The following PARD3B variants were observed in gnomAD, a reference collection of about 807,000 sequenced individuals.
PARD3B encodes the protein par-3 family cell polarity regulator beta.
PARD3B carries 103 observed loss-of-function variants against 130.2 expected under a neutral mutation model. The observed-to-expected ratio is 0.79, with a 90% confidence interval of 0.67 to 0.93. PARD3B has a LOEUF of 0.93. Among genes scored for constraint, PARD3B ranks in the 40% least tolerant of loss-of-function variants. The probability of loss-of-function intolerance (pLI) is 0.00; values close to 1 mark genes in which losing one functional copy is unlikely to be tolerated. For missense variants in PARD3B, 1,609 were observed against 1,499.2 expected, an observed-to-expected ratio of 1.07 and a Z score of -1.21; for synonymous variants, 583 against 553.2, an observed-to-expected ratio of 1.05 and a Z score of -0.76.
chr2:204,631,387 C>CT (rs2034675767), intron 1 of PARD3B, among the ~76,000 whole-genome samples: 1 of 151,940 alleles, frequency 6.6e-6, no homozygotes, highest in Non-Finnish European at 1.5e-5. Flanking sequence ...GTAGCTGAGA[C>CT]TACAGGCATG....
intron 1 of PARD3B, among the ~76,000 whole-genome samples, chr2:204,601,879 C>G (rs891694431): frequency 1.3e-5 from 2 of 151,958 alleles, no homozygotes; most frequent in Admixed American, 6.6e-5. Flanking sequence ...AGAAATTTCT[C>G]CTTTGTTTAA....
rs55744172 is a variant in PARD3B at position 204,553,651 on chromosome 2, CATATATATATATATATATATATATAT to C, written c.120+7552_120+7577del. On this transcript the variant is annotated intron_variant, in intron 1 of 22. Transcript: ENST00000406610. ...ATATGGATATATATTTATATATATCCATATATATATATATATATATATATATATATATATATATATATATACACACA... is the reference window on the plus strand; with the variant it reads ...ATATGGATATATATTTATATATATCCATATATATATATATATATACACACA... Among the ~76,000 whole-genome samples the C allele has an allele frequency of 2.0e-4, 17 of 83,430 alleles. 1 individual carries two copies. The South Asian group carries it at 2.3e-3, about 11-fold the overall frequency. 54.7% of individuals were successfully genotyped at this position (83,430 alleles called of 152,430 possible). A position where few individuals can be genotyped will look rare whatever the true frequency, so the allele number is the denominator to read the frequency against.
intron 18 of PARD3B, among the ~76,000 whole-genome samples, chr2:205,363,053 C>G (rs62171520): frequency 0.033 from 5,039 of 152,156 alleles, 94 homozygotes; most frequent in Middle Eastern, 0.058. Flanking sequence ...TGTGGGACTT[C>G]AGGTTCCCAC....
chr2:204,999,835 G>A (rs1694675334), intron 3 of PARD3B, among the ~76,000 whole-genome samples: 1 of 152,160 alleles, frequency 6.6e-6, no homozygotes, highest in South Asian at 2.1e-4. Flanking sequence ...AACTTTTGGA[G>A]TGATAAGGAA....
chr2:205,280,351 C>T lies in PARD3B; in HGVS notation c.2186-20179C>T, dbSNP rs1181107729. Among the ~76,000 whole-genome samples the T allele has an allele frequency of 6.6e-6, 1 of 152,088 alleles. No individual in the cohort carries two copies. The highest frequency in any genetic ancestry group is 1.5e-5 in the Non-Finnish European group (1 of 68,016). On this transcript the variant is annotated intron_variant, in intron 16 of 22. Coordinates refer to ENST00000406610, the MANE Select transcript of PARD3B (RefSeq NM_001302769.2). This position sits in a 1 kb window ranked among gnomAD's most constrained non-coding sequence, Gnocchi z 4.7. ...CATCAAAGGGATCATCTGTACTTGC[C>T]CTGCTTTCAAAATTACTTTTTCTCT...
chr2:205,526,335 A>G (rs2051336245), intron 21 of PARD3B, among the ~76,000 whole-genome samples: 1 of 152,256 alleles, frequency 6.6e-6, no homozygotes, highest in African/African-American at 2.4e-5. Context: ...CTGTAGTGAC[A>G]GAACCTTGCC....
At chr2:205,271,924 G>A (rs921383679) in intron 16 of PARD3B, among the ~76,000 whole-genome samples, 2 of 152,246 alleles carry the variant, frequency 1.3e-5, no homozygotes, top group Non-Finnish European at 2.9e-5. Context: ...TTGGGAGGCC[G>A]AGGCGGGTGG....
intron 20 of PARD3B, among the ~76,000 whole-genome samples, chr2:205,483,371 T>C (rs1458195878): frequency 6.6e-6 from 1 of 152,206 alleles, no homozygotes; most frequent in Non-Finnish European, 1.5e-5. Flanking sequence ...CTGTCCAAGA[T>C]ATTCCTGCCA....
intron 18 of PARD3B, among the ~76,000 whole-genome samples, chr2:205,319,513 G>A (rs2105959532): frequency 6.6e-6 from 1 of 152,308 alleles, no homozygotes; most frequent in South Asian, 2.1e-4. Context: ...GCTATGGTCT[G>A]TGTAGCTGGC....
intron 2 of PARD3B, among the ~76,000 whole-genome samples, chr2:204,832,258 A>G (rs1219174974): frequency 2.0e-5 from 3 of 152,126 alleles, no homozygotes; most frequent in Non-Finnish European, 4.4e-5. Context: ...AACAAAAAAA[A>G]AAGCTATCAT....
At position 204,599,269 on chromosome 2, in the gene PARD3B, G is replaced by A. The variant is rs186740873; in HGVS notation, c.120+53150G>A. 5.3e-4 allele frequency among the ~76,000 whole-genome samples: 81 copies of A among 151,826 alleles called. 1 individual carries two copies. Among genetic ancestry groups the A allele is most frequent in the African/African-American group, 1.9e-3 (79 of 41,482 alleles). Reference sequence around the variant, plus strand: ...ATCATAATCATTCTACAGTACTTTAGAACACTAGGACTTACTCTTCCCATC... The same window carrying A: ...ATCATAATCATTCTACAGTACTTTAAAACACTAGGACTTACTCTTCCCATC... On this transcript the variant is annotated intron_variant, in intron 1 of 22. Coordinates refer to ENST00000406610, the MANE Select transcript of PARD3B (RefSeq NM_001302769.2).
At chr2:204,878,021 A>G (rs904666077) in intron 2 of PARD3B, among the ~76,000 whole-genome samples, 1 of 152,206 alleles carries the variant, frequency 6.6e-6, no homozygotes, top group African/African-American at 2.4e-5. Context: ...GCCCTTCATT[A>G]TCACTATGTA....
chr2:205,439,431 C>T (rs1243484972), intron 19 of PARD3B, among the ~76,000 whole-genome samples: 1 of 152,176 alleles, frequency 6.6e-6, no homozygotes, highest in African/African-American at 2.4e-5. Context: ...CTCCTCACAC[C>T]ATCAAGATCA....
chr2:204,991,073 T>C (rs1190946726), intron 3 of PARD3B, among the ~76,000 whole-genome samples: 3 of 134,998 alleles, frequency 2.2e-5, no homozygotes, highest in South Asian at 2.2e-4. Flanking sequence ...GTTGTCATTC[T>C]TTTTTTTTTT....
chr2:204,974,532 T>TG (rs1366341665), intron 3 of PARD3B, among the ~76,000 whole-genome samples: 4 of 152,242 alleles, frequency 2.6e-5, no homozygotes, highest in African/African-American at 9.6e-5. Flanking sequence ...ACAAACTGAA[T>TG]GGCCTTGTGT....
chr2:204,604,666 C>T (rs2033643528), intron 1 of PARD3B, among the ~76,000 whole-genome samples: 1 of 152,238 alleles, frequency 6.6e-6, no homozygotes, highest in South Asian at 2.1e-4. Context: ...GATTCTAATT[C>T]CTTCAGGGTG....
intron 4 of PARD3B, among the ~76,000 whole-genome samples, chr2:205,070,857 A>G (rs1700685858): frequency 6.6e-6 from 1 of 152,144 alleles, no homozygotes. Flanking sequence ...TACTAATTTC[A>G]TTAAGTTTTG....
At chr2:204,792,675 G>A (rs1027192355) in intron 2 of PARD3B, among the ~76,000 whole-genome samples, 2 of 151,968 alleles carry the variant, frequency 1.3e-5, no homozygotes, top group African/African-American at 4.8e-5. Context: ...CCAAATACAT[G>A]TACTTCAAAT....
chr2:204,545,716 A>C lies in PARD3B; in HGVS notation c.-284A>C. On this transcript the variant is annotated 5_prime_UTR_variant, in exon 1 of 23. Transcript: ENST00000406610. ...TGGGCCGGGCAGGAGTAGGAGCGGG[A>C]GGAGGAGGAGGAGGAGCCGGTGCCG... is the stretch of plus-strand genomic sequence containing the variant. 7.5e-6 allele frequency: 1 copy of C among 133,266 alleles called. No homozygotes were observed. Among genetic ancestry groups the C allele is most frequent in the Non-Finnish European group, 1.2e-5 (1 of 84,188 alleles). The allele number at this position is 133,266 out of a possible 1,614,324, so 8.3% of individuals were successfully genotyped here.
Sources: gnomAD v4.1 joint callset for allele counts (sites outside exome capture counted in the v4.1 genomes callset) on GRCh38, gnomAD v4.1.1 for gene constraint, Gnocchi (gnomAD v3.1) non-coding constraint, MANE v1.5 for transcripts, NCBI Gene and HGNC (gene_info 2026-07-23, HGNC 2026-07-21) for gene names.